TTC12: variants seen among roughly 807,000 people sequenced by gnomAD.
The protein encoded by TTC12 is tetratricopeptide repeat domain 12.
TTC12 carries 70 observed loss-of-function variants against 90.1 expected under a neutral mutation model. The observed-to-expected ratio is 0.78, with a 90% confidence interval of 0.64 to 0.95. The LOEUF is 0.95. Among genes scored for constraint, TTC12 ranks in the 40% least tolerant of loss-of-function variants. The pLI, the probability that TTC12 is intolerant of heterozygous loss-of-function variation, is 0.00. For missense variants in TTC12, 819 were observed against 846.1 expected (o/e 0.97, Z 0.40); for synonymous variants, 296 against 311.5 (o/e 0.95, Z 0.53).
chr11:113,362,614 T>C, intron 19 of TTC12, 112 bp downstream of exon 19: 1 of 733,772 alleles, frequency 1.4e-6, no homozygotes, highest in South Asian at 1.8e-5. Flanking sequence ...CATTTCTTCC[T>C]TGCTAGATTT....
intron 2 of TTC12, among the ~76,000 whole-genome samples, chr11:113,318,604 A>AT (rs544996348): frequency 1.7e-4 from 24 of 140,074 alleles, no homozygotes; most frequent in South Asian, 7.1e-4. Context: ...CAACATGTGA[A>AT]TTTTTGGGGG....
intron 13 of TTC12, among the ~76,000 whole-genome samples, chr11:113,349,267 T>G (rs1376004692): frequency 6.6e-6 from 1 of 152,236 alleles, no homozygotes; most frequent in East Asian, 1.9e-4. Flanking sequence ...CTCTGACATA[T>G]CACCTAAGAC....
chr11:113,342,053 C>G, intron 12 of TTC12, 128 bp downstream of exon 12: 1 of 766,050 alleles, frequency 1.3e-6, no homozygotes, highest in Non-Finnish European at 2.3e-6. Context: ...CACACACCCA[C>G]TCCCTCCAGG....
At position 113,329,904 on chromosome 11, in the gene TTC12, G is replaced by T; in HGVS notation, c.445-16G>T. Reference sequence around the variant, plus strand: ...GCAGAATTGTGTGTGAATATCAGCTGTTGGTTTCATTACAGGCTTATATGA... The same window carrying T: ...GCAGAATTGTGTGTGAATATCAGCTTTTGGTTTCATTACAGGCTTATATGA... On this transcript the variant is annotated splice_polypyrimidine_tract_variant and intron_variant, in intron 6 of 21. Transcript: ENST00000529221. The T allele has an allele frequency of 6.2e-7, 1 of 1,610,158 alleles. No homozygotes were observed. The highest frequency in any genetic ancestry group is 8.5e-7 in the Non-Finnish European group (1 of 1,176,400).
At chr11:113,330,027 A>G in intron 7 of TTC12, 48 bp downstream of exon 7, 2 of 1,466,070 alleles carry the variant, frequency 1.4e-6, no homozygotes, top group Non-Finnish European at 9.6e-7. Flanking sequence ...GCTGAAGTAG[A>G]TAGAAGGCAG....
chr11:113,363,867 C>A lies in TTC12; in HGVS notation c.1756C>A (p.Leu586Ile). 6.2e-7 allele frequency: 1 copy of A among 1,613,612 alleles called. No homozygotes were observed. Among genetic ancestry groups the A allele is most frequent in the Non-Finnish European group, 8.5e-7 (1 of 1,179,534 alleles). Residue 586 changes from leucine to isoleucine, a missense_variant, in exon 20 of 22, where the codon CTA becomes ATA. Transcript: ENST00000529221. ...ETASRYAIKI[L>I]AICTNSYHEA... Reference sequence around the variant, plus strand: ...TGCATCACGTTATGCTATAAAGATACTAGCTATCTGCACGAATAGTTATCA... The same window carrying A: ...TGCATCACGTTATGCTATAAAGATAATAGCTATCTGCACGAATAGTTATCA...
chr11:113,331,732 T>C (rs1412620684), intron 7 of TTC12, among the ~76,000 whole-genome samples: 1 of 152,202 alleles, frequency 6.6e-6, no homozygotes, highest in African/African-American at 2.4e-5. Context: ...CAAATGTTAA[T>C]TGAAGTACAA....
At chr11:113,320,036 TAAAAAG>T (rs1947203445) in intron 2 of TTC12, among the ~76,000 whole-genome samples, 1 of 151,984 alleles carries the variant, frequency 6.6e-6, no homozygotes, top group Admixed American at 6.6e-5. Flanking sequence ...ACACTAAAAT[TAAAAAG>T]AAAATCTCTT....
At chr11:113,322,983 G>A (rs1591519958) in intron 2 of TTC12, among the ~76,000 whole-genome samples, 1 of 150,952 alleles carries the variant, frequency 6.6e-6, no homozygotes, top group Admixed American at 6.6e-5. Flanking sequence ...GTTATCTATA[G>A]CATCAGCATA....
At chr11:113,317,873 T>A (rs781839334) in intron 2 of TTC12, among the ~76,000 whole-genome samples, 2 of 152,150 alleles carry the variant, frequency 1.3e-5, no homozygotes, top group African/African-American at 4.8e-5. Flanking sequence ...TGCTGTCCAA[T>A]AGAGCTTTCT....
intron 13 of TTC12, among the ~76,000 whole-genome samples, chr11:113,348,573 G>A (rs1949098150): frequency 1.3e-5 from 2 of 152,096 alleles, no homozygotes; most frequent in South Asian, 4.1e-4. Flanking sequence ...ACACTGAAGG[G>A]ATTTTTCTAA....
intron 18 of TTC12, among the ~76,000 whole-genome samples, chr11:113,361,507 A>C (rs908983534): frequency 6.6e-6 from 1 of 152,206 alleles, no homozygotes; most frequent in Non-Finnish European, 1.5e-5. Context: ...GAGAGGATGA[A>C]GATTTCAAAA....
downstream of TTC12, chr11:113,366,498 T>C: frequency 1.2e-6 from 1 of 852,264 alleles, no homozygotes; most frequent in Non-Finnish European, 1.7e-6. Context: ...ACTGGCTTAC[T>C]CGACTTCCAT....
chr11:113,336,221 T>TG (rs1275396471), intron 8 of TTC12, among the ~76,000 whole-genome samples: 2 of 152,214 alleles, frequency 1.3e-5, no homozygotes, highest in Admixed American at 1.3e-4. Context: ...ATATTTTCTC[T>TG]GGAGAAATAT....
At chr11:113,352,318 G>A (rs1949345747) in intron 16 of TTC12, 111 bp downstream of exon 16, 8 of 1,401,192 alleles carry the variant, frequency 5.7e-6, no homozygotes, top group Non-Finnish European at 6.9e-6. Flanking sequence ...GTTGGATGGC[G>A]CCAGTTGGCT....
In TTC12 at chr11:113,323,943, A is replaced by C. The variant is rs1337396735; in HGVS notation, c.223-51A>C. ...CTTGGTTTATATACATATAAATTAG[A>C]GTGGTTTTTGAAATTTGTTTCTTTG... On this transcript the variant is annotated intron_variant, in intron 3 of 21. Transcript: ENST00000529221. 8 of 1,455,854 alleles carry C rather than the reference A, an allele frequency of 5.5e-6. No individual in the cohort carries two copies. The Admixed American group carries it at 8.7e-5, about 16-fold the overall frequency. 90.2% of individuals were successfully genotyped at this position (1,455,854 alleles called of 1,614,324 possible).
intron 13 of TTC12, among the ~76,000 whole-genome samples, chr11:113,346,167 G>A (rs1295662086): frequency 6.6e-6 from 1 of 152,130 alleles, no homozygotes; most frequent in Non-Finnish European, 1.5e-5. Flanking sequence ...TGCTGGCCAA[G>A]GGCCAGTGTC....
At chr11:113,316,498 A>G (rs1199315269) in intron 2 of TTC12, among the ~76,000 whole-genome samples, 183 bp downstream of exon 2, 1 of 152,238 alleles carries the variant, frequency 6.6e-6, no homozygotes, top group East Asian at 1.9e-4. Context: ...CTGGCTGTTA[A>G]TTGGTATCAG....
intron 2 of TTC12, among the ~76,000 whole-genome samples, chr11:113,319,228 C>A (rs997303547): frequency 6.6e-6 from 1 of 152,080 alleles, no homozygotes. Flanking sequence ...ACCAGATAAA[C>A]CCAAATTGCA....
Sources: gnomAD v4.1 joint callset for allele counts (sites outside exome capture counted in the v4.1 genomes callset) on GRCh38, gnomAD v4.1.1 for gene constraint, MANE v1.5 for transcripts, NCBI Gene and HGNC (gene_info 2026-07-23, HGNC 2026-07-21) for gene names.